SLC24A3: variants seen among roughly 807,000 people sequenced by gnomAD.
SLC24A3 encodes sodium/potassium/calcium exchanger 3.
SLC24A3 carries 28 observed loss-of-function variants against 75.8 expected under a neutral mutation model. The ratio of observed to expected loss-of-function variants is 0.37; its 90% CI spans 0.27 to 0.51. The LOEUF (loss-of-function observed/expected upper bound fraction) is 0.51, where lower values mean the gene tolerates loss of function less well. Ranked by LOEUF, SLC24A3 falls within the 20% of genes least tolerant of loss-of-function variation. The pLI is 0.94. For synonymous variants in SLC24A3, 372 were observed against 334.1 expected, an observed-to-expected ratio of 1.11 and a Z score of -1.24; for missense variants, 663 against 847.8, an observed-to-expected ratio of 0.78 and a Z score of 2.71.
intron 2 of SLC24A3, among the ~76,000 whole-genome samples, chr20:19,439,251 G>T (rs1987259940): frequency 6.6e-5 from 10 of 152,230 alleles, no homozygotes. Context: ...GCCATCCCAG[G>T]TCTGGGGATC....
rs149386715 is a variant in SLC24A3, at chr20:19,670,940, C to T, written c.714-2661C>T. Among the ~76,000 whole-genome samples the T allele has an allele frequency of 9.9e-4, 150 of 152,260 alleles. 1 individual carries two copies. The highest frequency in any genetic ancestry group is 3.4e-3 in the African/African-American group (143 of 41,524). ...CATTTTAAATCTCTGGATAATGAGA[C>T]ACCAGATACCAGGGAAGGTGTCAGG... On this transcript the variant is annotated intron_variant, in intron 8 of 16. Transcript: ENST00000328041.
chr20:19,355,792 A>G (rs1023685768), intron 2 of SLC24A3, among the ~76,000 whole-genome samples: 2 of 152,226 alleles, frequency 1.3e-5, no homozygotes, highest in African/African-American at 4.8e-5. Flanking sequence ...GTTGATGAGC[A>G]TAAATGCTAT....
At chr20:19,254,684 C>T (rs1380631093) in intron 1 of SLC24A3, among the ~76,000 whole-genome samples, 2 of 152,210 alleles carry the variant, frequency 1.3e-5, no homozygotes, top group African/African-American at 4.8e-5. Context: ...ACACATGTTC[C>T]CTGGAGCTAG....
intron 1 of SLC24A3, among the ~76,000 whole-genome samples, chr20:19,248,586 T>C (rs1180930946): frequency 6.6e-6 from 1 of 152,244 alleles, no homozygotes; most frequent in African/African-American, 2.4e-5. Flanking sequence ...GAAAACAGTA[T>C]GAAGGTTCCT....
chr20:19,665,219 G>A (rs905048864), intron 7 of SLC24A3, among the ~76,000 whole-genome samples: 7 of 152,190 alleles, frequency 4.6e-5, no homozygotes, highest in Non-Finnish European at 1.0e-4. Context: ...ACCATGCCCA[G>A]GGCTTGGGCG....
chr20:19,525,058 G>T (rs2030173578), intron 3 of SLC24A3, among the ~76,000 whole-genome samples: 2 of 152,166 alleles, frequency 1.3e-5, no homozygotes, highest in South Asian at 4.2e-4. Flanking sequence ...TGCTTATCAT[G>T]ACTTGAGACT....
At chr20:19,595,607 T>C (rs2031442367) in intron 6 of SLC24A3, among the ~76,000 whole-genome samples, 2 of 152,204 alleles carry the variant, frequency 1.3e-5, no homozygotes, top group African/African-American at 2.4e-5. Context: ...ATTGATTTCA[T>C]GTGGACTTCC....
At chr20:19,585,583 A>G (rs1181394639) in intron 6 of SLC24A3, 39 bp downstream of exon 6, 2 of 1,589,184 alleles carry the variant, frequency 1.3e-6, no homozygotes, top group Admixed American at 1.7e-5. Context: ...AAAATGTGAC[A>G]TTGGGGAAAG....
Position 19,714,362 on chromosome 20 carries a change from A to C in SLC24A3, c.1720-3166A>C, listed in dbSNP as rs149248992. Among the ~76,000 whole-genome samples, 481 of 141,496 alleles carry C rather than the reference A, an allele frequency of 3.4e-3. 2 individuals carry two copies. The highest frequency in any genetic ancestry group is 0.012 in the African/African-American group (462 of 37,734). 92.8% of individuals were successfully genotyped at this position (141,496 alleles called of 152,430 possible). A position where few individuals can be genotyped will look rare whatever the true frequency, so the allele number is the denominator to read the frequency against. On this transcript the variant is annotated intron_variant, in intron 15 of 16. Transcript: ENST00000328041. ...CAAAGCTACAGTGAGCTATGATTTC[A>C]CCTCTGCACTCCAGCCTGGACAACA... is the stretch of plus-strand genomic sequence containing the variant.
chr20:19,622,399 TA>T (rs947311234), intron 6 of SLC24A3, among the ~76,000 whole-genome samples: 9 of 152,202 alleles, frequency 5.9e-5, no homozygotes, highest in African/African-American at 2.2e-4. Context: ...AGTGAGCTGG[TA>T]AAAGTGTTTA....
At chr20:19,461,534 T>C (rs564233248) in intron 2 of SLC24A3, among the ~76,000 whole-genome samples, 102 of 128,470 alleles carry the variant, frequency 7.9e-4, no homozygotes, top group African/African-American at 1.3e-3. Flanking sequence ...TTTTTCTTTT[T>C]TTTTTTTTTT....
intron 2 of SLC24A3, among the ~76,000 whole-genome samples, chr20:19,433,114 C>T (rs1026354263): frequency 1.3e-4 from 20 of 152,208 alleles, no homozygotes; most frequent in African/African-American, 4.8e-4. Context: ...GTTCTCCTCA[C>T]TCAGGATTTA....
At chr20:19,656,243 A>G (rs1317936565) in intron 7 of SLC24A3, among the ~76,000 whole-genome samples, 1 of 152,196 alleles carries the variant, frequency 6.6e-6, no homozygotes, top group Non-Finnish European at 1.5e-5. Flanking sequence ...GCAAGTCAAT[A>G]TTCCTTTAAA....
chr20:19,717,411 AG>A, intron 15 of SLC24A3, 116 bp from the exon 16 acceptor site: 1 of 914,646 alleles, frequency 1.1e-6, no homozygotes, highest in Admixed American at 2.2e-5. Context: ...TTCATTCTAG[AG>A]GGGAGATGTG....
chr20:19,665,619 T>C (rs1434626765), intron 7 of SLC24A3, among the ~76,000 whole-genome samples: 1 of 152,232 alleles, frequency 6.6e-6, no homozygotes, highest in Admixed American at 6.5e-5. Context: ...CCTGAGGCTG[T>C]TCTTTTCCAC....
At chr20:19,338,895 G>A (rs1985200102) in intron 2 of SLC24A3, among the ~76,000 whole-genome samples, 1 of 152,138 alleles carries the variant, frequency 6.6e-6, no homozygotes, top group African/African-American at 2.4e-5. Flanking sequence ...TATATGACGA[G>A]TTTCACCTCT....
chr20:19,575,466 A>G (rs2031120335), intron 3 of SLC24A3, among the ~76,000 whole-genome samples: 1 of 152,202 alleles, frequency 6.6e-6, no homozygotes. Flanking sequence ...AACACGGCTC[A>G]TGGTCCAGGC....
In SLC24A3 at chr20:19,405,525, C is replaced by A. The variant is rs1347285831; in HGVS notation, c.272-109963C>A. ...GACCAAAATGTACTTAGTACCCTGG[C>A]CACATGTATGGAAGCCAAAGGCAGA... On this transcript the variant is annotated intron_variant, in intron 2 of 16. Transcript: ENST00000328041. Among the ~76,000 whole-genome samples the A allele has an allele frequency of 3.9e-5, 6 of 152,286 alleles. No individual in the cohort carries two copies. In the East Asian group the frequency reaches 7.7e-4, roughly 20 times the overall value.
chr20:19,274,106 A>G (rs1473823732), intron 1 of SLC24A3, among the ~76,000 whole-genome samples: 2 of 151,226 alleles, frequency 1.3e-5, no homozygotes, highest in Non-Finnish European at 1.5e-5. Context: ...TCAACTTTCA[A>G]TCTGGTTTTC....
Sources: allele counts gnomAD v4.1 joint callset (sites outside exome capture counted in the v4.1 genomes callset), GRCh38; gene constraint gnomAD v4.1.1; transcripts MANE v1.5; gene names NCBI Gene and HGNC (gene_info 2026-07-23, HGNC 2026-07-21).